Variants in CCDC175 observed in about 807,000 individuals in gnomAD.
CCDC175 encodes coiled-coil domain-containing protein 175.
In CCDC175, 100 loss-of-function variants were observed where a neutral mutation model predicts 114.6. That is an observed-to-expected ratio of 0.87 (90% CI 0.74 to 1.03). The LOEUF is 1.03. Ranked by LOEUF, CCDC175 falls within the 50% of genes least tolerant of loss-of-function variation. The probability of loss-of-function intolerance (pLI) is 0.00; values close to 1 mark genes in which losing one functional copy is unlikely to be tolerated. For missense variants in CCDC175, 880 were observed against 917.8 expected, an observed-to-expected ratio of 0.96 and a Z score of 0.53; for synonymous variants, 306 against 308.7, an observed-to-expected ratio of 0.99 and a Z score of 0.09.
intron 17 of CCDC175, among the ~76,000 whole-genome samples, chr14:59,512,208 A>C (rs1161327071): frequency 6.6e-6 from 1 of 152,256 alleles, no homozygotes; most frequent in African/African-American, 2.4e-5. Context: ...GCTTTTGAAC[A>C]AGTGGGCTTT....
chr14:59,556,294 A>G (rs1895896634), intron 7 of CCDC175, among the ~76,000 whole-genome samples: 1 of 152,244 alleles, frequency 6.6e-6, no homozygotes, highest in Admixed American at 6.5e-5. Flanking sequence ...GAGAGCCCTC[A>G]GAAATAATAC....
In CCDC175 at chr14:59,576,601, G is replaced by C; in HGVS notation, c.157+18C>G. On this transcript the variant is annotated intron_variant, in intron 1 of 19. Transcript: ENST00000537690. ...CCTCTGAGGAGACGTCCCTTCCAGC[G>C]CCCGAGGGGCGTCTTACCCACAACA... 7.1e-7 allele frequency: 1 copy of C among 1,408,722 alleles called. No individual in the cohort carries two copies. 87.3% of individuals were successfully genotyped at this position (1,408,722 alleles called of 1,614,324 possible).
Position 59,576,759 on chromosome 14 carries a change from C to T in CCDC175, c.17G>A (p.Trp6Ter), listed in dbSNP as rs779191393. MALSP[W>*]TPGLGAGEKL... ...CTCGCCAGCGCCCAGCCCTGGGGTC[C>T]AGGGGCTCAGGGCCATTTTGCCGCT... Residue 6 changes from tryptophan to a stop codon, truncating the protein, a stop_gained, in exon 1 of 20, where the codon TGG becomes TAG. Coordinates refer to ENST00000537690, the MANE Select transcript of CCDC175 (RefSeq NM_001164399.2). LOFTEE classifies it high-confidence loss of function. 50 of 1,453,974 alleles carry T rather than the reference C, an allele frequency of 3.4e-5. No individual in the cohort carries two copies. Among genetic ancestry groups the T allele is most frequent in the Non-Finnish European group, 4.2e-5 (47 of 1,115,086 alleles). 90.1% of individuals were successfully genotyped at this position (1,453,974 alleles called of 1,614,324 possible).
chr14:59,527,421 T>C (rs142972508), intron 14 of CCDC175, among the ~76,000 whole-genome samples: 75 of 152,264 alleles, frequency 4.9e-4, no homozygotes, highest in African/African-American at 1.8e-3. Flanking sequence ...ATGCCTATTT[T>C]CTGATTTATC....
intron 13 of CCDC175, among the ~76,000 whole-genome samples, chr14:59,536,136 T>C (rs1428536882): frequency 2.0e-5 from 3 of 152,156 alleles, no homozygotes; most frequent in Non-Finnish European, 2.9e-5. Context: ...ATCTGCTTCA[T>C]GAACATGACT....
At chr14:59,531,563 GA>G (rs1181308200) in intron 14 of CCDC175, among the ~76,000 whole-genome samples, 4 of 152,178 alleles carry the variant, frequency 2.6e-5, no homozygotes, top group Non-Finnish European at 5.9e-5. Flanking sequence ...AAGAGAAAAG[GA>G]AAATTTTGAC....
At chr14:59,556,711 A>T (rs1895921572) in intron 7 of CCDC175, among the ~76,000 whole-genome samples, 2 of 152,268 alleles carry the variant, frequency 1.3e-5, no homozygotes, top group South Asian at 2.1e-4. Context: ...CAATCTACTC[A>T]TCTGACAAAG....
chr14:59,546,585 T>C (rs1187539535), intron 8 of CCDC175, among the ~76,000 whole-genome samples: 1 of 152,186 alleles, frequency 6.6e-6, no homozygotes, highest in Non-Finnish European at 1.5e-5. Flanking sequence ...CTTACTAACA[T>C]AGAAGAAACC....
intron 8 of CCDC175, among the ~76,000 whole-genome samples, chr14:59,548,210 T>C (rs1286233016): frequency 6.6e-6 from 1 of 151,910 alleles, no homozygotes; most frequent in Non-Finnish European, 1.5e-5. Context: ...GAAAAACAAA[T>C]ATTACATGAT....
intron 17 of CCDC175, among the ~76,000 whole-genome samples, chr14:59,512,355 G>A (rs1000724308): frequency 1.3e-5 from 2 of 152,206 alleles, no homozygotes; most frequent in Non-Finnish European, 2.9e-5. Flanking sequence ...AAGGCACTCT[G>A]TGCCCGCATG....
At chr14:59,510,249 A>G (rs377737746) in intron 19 of CCDC175, among the ~76,000 whole-genome samples, 4 of 152,234 alleles carry the variant, frequency 2.6e-5, no homozygotes, top group African/African-American at 9.6e-5. Context: ...AGCCATCACT[A>G]GATTTTTCTG....
chr14:59,552,430 A>G (rs551282606), intron 7 of CCDC175, among the ~76,000 whole-genome samples: 1 of 152,364 alleles, frequency 6.6e-6, no homozygotes, highest in South Asian at 2.1e-4. Context: ...AGGAAAACTA[A>G]AAAACAGAAA....
intron 7 of CCDC175, among the ~76,000 whole-genome samples, chr14:59,553,411 T>C (rs545740478): frequency 6.6e-6 from 1 of 152,032 alleles, no homozygotes; most frequent in Non-Finnish European, 1.5e-5. Flanking sequence ...GACAAGCAAA[T>C]GATGAGAGAT....
At chr14:59,552,711 A>C (rs747970903) in intron 7 of CCDC175, among the ~76,000 whole-genome samples, 3 of 152,128 alleles carry the variant, frequency 2.0e-5, no homozygotes, top group African/African-American at 4.8e-5. Flanking sequence ...GAAGCTAAAA[A>C]CCTCGAAAAA....
chr14:59,550,469 C>T (rs190164806), intron 8 of CCDC175, among the ~76,000 whole-genome samples: 56 of 152,044 alleles, frequency 3.7e-4, no homozygotes, highest in Admixed American at 2.0e-3. Flanking sequence ...CTAAATCTGA[C>T]TCAAATACTT....
At chr14:59,550,097 TG>T (rs1390988294) in intron 8 of CCDC175, among the ~76,000 whole-genome samples, 1 of 152,084 alleles carries the variant, frequency 6.6e-6, no homozygotes, top group East Asian at 1.9e-4. Context: ...TTTGTAGAAA[TG>T]GGGTTTCACC....
Position 59,576,653 on chromosome 14 carries a change from G to A in CCDC175, c.123C>T (p.Val41=), listed in dbSNP as rs773032433. 6.8e-7 allele frequency: 1 copy of A among 1,473,180 alleles called. No individual in the cohort carries two copies. The highest frequency in any genetic ancestry group is 8.9e-7 in the Non-Finnish European group (1 of 1,119,880). 91.3% of individuals were successfully genotyped at this position (1,473,180 alleles called of 1,614,324 possible). Residue 41 remains valine, a synonymous_variant, in exon 1 of 20, where the codon GTC becomes GTT. Coordinates refer to ENST00000537690, the MANE Select transcript of CCDC175 (RefSeq NM_001164399.2). ...ACAGCTGCTCCAGCGCCTCGACCGC[G>A]ACCGAGGAGCCCAGGGTGGAGGGTA... The part of the protein sequence containing the change: ...CTLPSTLGSS[V]AVEALEQLFV...
At chr14:59,542,376 A>G (rs569660515) in intron 10 of CCDC175, among the ~76,000 whole-genome samples, 24 of 152,268 alleles carry the variant, frequency 1.6e-4, no homozygotes, top group African/African-American at 5.1e-4. Flanking sequence ...AATGTGTACA[A>G]TGGTAGAATA....
intron 7 of CCDC175, among the ~76,000 whole-genome samples, chr14:59,551,826 GCGCATGGCTCAGAGGATCCCA>G (rs1227780854): frequency 6.6e-6 from 1 of 152,144 alleles, no homozygotes; most frequent in African/African-American, 2.4e-5. Context: ...ATTATATCCC[GCGCATGGCTCAGAGGATCCCA>G]CGCCCATGGA....
Sources: gnomAD v4.1 joint callset for allele counts (sites outside exome capture counted in the v4.1 genomes callset) on GRCh38, gnomAD v4.1.1 for gene constraint, MANE v1.5 for transcripts, NCBI Gene and HGNC (gene_info 2026-07-23, HGNC 2026-07-21) for gene names.